Variants in ENOX1 observed in about 807,000 individuals in gnomAD.
The protein encoded by ENOX1 is ecto-NOX disulfide-thiol exchanger 1, also known as candidate growth-related and time keeping constitutive hydroquinone (NADH) oxidase.
In ENOX1, 42 loss-of-function variants were observed where a neutral mutation model predicts 82.5. That is an observed-to-expected ratio of 0.51 (90% CI 0.40 to 0.66). The LOEUF (loss-of-function observed/expected upper bound fraction) is 0.66, where lower values mean the gene tolerates loss of function less well. Among genes scored for constraint, ENOX1 ranks in the 30% least tolerant of loss-of-function variants. The pLI is 0.00. For synonymous variants in ENOX1, 271 were observed against 282.2 expected (o/e 0.96, Z 0.40); for missense variants, 608 against 811.6 (o/e 0.75, Z 3.05).
intron 2 of ENOX1, among the ~76,000 whole-genome samples, chr13:43,610,993 G>C (rs2082176689): frequency 6.6e-6 from 1 of 152,074 alleles, no homozygotes; most frequent in Admixed American, 6.6e-5. Flanking sequence ...AGAGAGTTCA[G>C]GAATGCCAAT....
intron 12 of ENOX1, among the ~76,000 whole-genome samples, chr13:43,276,489 T>C (rs1462424174): frequency 6.6e-6 from 1 of 152,148 alleles, no homozygotes; most frequent in African/African-American, 2.4e-5. Flanking sequence ...GCCCCACAGC[T>C]TACTGTGTCT....
chr13:43,315,972 A>C (rs1270219332), intron 11 of ENOX1, among the ~76,000 whole-genome samples: 1 of 152,232 alleles, frequency 6.6e-6, no homozygotes, highest in Non-Finnish European at 1.5e-5. Context: ...GCGGCGGTGC[A>C]GTGACCCTGT....
chr13:43,635,157 G>A (rs1430029432), intron 2 of ENOX1, among the ~76,000 whole-genome samples: 1 of 152,154 alleles, frequency 6.6e-6, no homozygotes, highest in Non-Finnish European at 1.5e-5. Context: ...ATAAAAAGGG[G>A]ATTAATACCT....
chr13:43,758,980 C>T (rs568617202), intron 1 of ENOX1, among the ~76,000 whole-genome samples: 5 of 152,112 alleles, frequency 3.3e-5, no homozygotes, highest in South Asian at 2.1e-4. Context: ...AAGGAAAGGA[C>T]GCTCTGTTTG....
rs766738947 is a variant in ENOX1, at chr13:43,359,884, C to G, written c.556G>C (p.Glu186Gln). ...TAAATGGCTTTATCAACCATGAATT[C>G]CTCTGCAAAGCGAATGTGACAAAAA... ...KNFCHIRFAE[E>Q]FMVDKAIYLS... is the part of the protein sequence containing the mutation. The change falls in exon 7 of 17, where the codon GAA (glutamate) becomes CAA (glutamine). Residue 186 changes from glutamate to glutamine, a missense_variant. By Grantham distance (29) the Glu-to-Gln change is conservative. Coordinates refer to ENST00000690772, the MANE Select transcript of ENOX1 (RefSeq NM_001347969.2). The G allele has an allele frequency of 6.2e-7, 1 of 1,614,194 alleles. No homozygotes were observed. Among genetic ancestry groups the G allele is most frequent in the Non-Finnish European group, 8.5e-7 (1 of 1,180,026 alleles).
At chr13:43,379,212 GT>G (rs1170337446) in intron 5 of ENOX1, among the ~76,000 whole-genome samples, 3 of 152,104 alleles carry the variant, frequency 2.0e-5, no homozygotes, top group African/African-American at 4.8e-5. Context: ...ATAAATTTGT[GT>G]TGTTTTTAAG....
intron 1 of ENOX1, among the ~76,000 whole-genome samples, chr13:43,756,978 A>ACAAC (rs1566886776): frequency 3.8e-5 from 5 of 132,938 alleles, no homozygotes; most frequent in African/African-American, 1.6e-4. Context: ...ACAACAAAAA[A>ACAAC]AAAAAAAAAA....
intron 2 of ENOX1, among the ~76,000 whole-genome samples, chr13:43,635,767 A>C (rs2083390585): frequency 6.6e-6 from 1 of 152,106 alleles, no homozygotes; most frequent in African/African-American, 2.4e-5. Context: ...AAGGAGAGGG[A>C]GAGAGAGAGA....
Position 43,600,211 on chromosome 13 carries a change from T to C in ENOX1, c.-219+67268A>G, listed in dbSNP as rs567128207. On this transcript the variant is annotated intron_variant, in intron 2 of 16. Coordinates refer to ENST00000690772, the MANE Select transcript of ENOX1 (RefSeq NM_001347969.2). The stretch of plus-strand genomic sequence containing the variant: ...GCTCCGTCACAGTGGCACAGTGGGA[T>C]AGAGCATCATGCTGGCTCTTGTGGT... Among the ~76,000 whole-genome samples, 4 of 152,304 alleles carry C rather than the reference T, an allele frequency of 2.6e-5. No individual in the cohort carries two copies. In the East Asian group the frequency reaches 7.8e-4, roughly 30 times the overall value.
At chr13:43,238,741 G>A (rs183725135) in intron 14 of ENOX1, among the ~76,000 whole-genome samples, 1 of 152,262 alleles carries the variant, frequency 6.6e-6, no homozygotes, top group East Asian at 1.9e-4. Flanking sequence ...ATCTCCAAGA[G>A]AGGGTGATCT....
intron 1 of ENOX1, among the ~76,000 whole-genome samples, chr13:43,736,414 A>G (rs1594625653): frequency 1.3e-5 from 2 of 152,106 alleles, no homozygotes; most frequent in East Asian, 3.9e-4. Context: ...TAATTTCTAG[A>G]ATTATTATTA....
intron 2 of ENOX1, among the ~76,000 whole-genome samples, chr13:43,501,859 G>A (rs2076993872): frequency 6.8e-6 from 1 of 146,424 alleles, no homozygotes; most frequent in African/African-American, 2.5e-5. Context: ...GAACAAACCA[G>A]GCCAAAAGCT....
At chr13:43,542,139 C>CT (rs1289254202) in intron 2 of ENOX1, among the ~76,000 whole-genome samples, 12 of 152,052 alleles carry the variant, frequency 7.9e-5, no homozygotes, top group East Asian at 1.9e-4. Context: ...GTGTCTTCTT[C>CT]TTTTTTTTCT....
intron 1 of ENOX1, among the ~76,000 whole-genome samples, chr13:43,693,680 C>T (rs1169990455): frequency 2.0e-5 from 3 of 152,108 alleles, no homozygotes; most frequent in African/African-American, 7.2e-5. Flanking sequence ...GTTGGATGGC[C>T]TTTCAGCTCT....
Position 43,397,132 on chromosome 13 carries a change from G to A in ENOX1, c.208+14784C>T, listed in dbSNP as rs191710231. ...ATCTCTGGCATGCCCCTCTCTTGGCGAAGCCCCAGCAAGGATGACATAGAA... is the reference window on the plus strand; with the variant it reads ...ATCTCTGGCATGCCCCTCTCTTGGCAAAGCCCCAGCAAGGATGACATAGAA... On this transcript the variant is annotated intron_variant, in intron 5 of 16. Coordinates refer to ENST00000690772, the MANE Select transcript of ENOX1 (RefSeq NM_001347969.2). Among the ~76,000 whole-genome samples the A allele has an allele frequency of 1.6e-4, 24 of 152,330 alleles. No individual in the cohort carries two copies. In the East Asian group the frequency reaches 4.2e-3, roughly 27 times the overall value.
At chr13:43,425,903 A>C (rs2055271535) in intron 3 of ENOX1, among the ~76,000 whole-genome samples, 1 of 152,228 alleles carries the variant, frequency 6.6e-6, no homozygotes, top group Admixed American at 6.5e-5. Context: ...CTGGTTTTAA[A>C]TGAAAGAAAT....
intron 16 of ENOX1, among the ~76,000 whole-genome samples, chr13:43,219,292 T>C (rs1397283162): frequency 2.0e-5 from 3 of 152,152 alleles, no homozygotes; most frequent in East Asian, 1.9e-4. Context: ...GAGGAGATGA[T>C]TGCAATACAC....
intron 2 of ENOX1, among the ~76,000 whole-genome samples, chr13:43,602,140 A>C (rs1412077314): frequency 6.6e-6 from 1 of 152,260 alleles, no homozygotes; most frequent in African/African-American, 2.4e-5. Flanking sequence ...TGTAAGCATA[A>C]GAGCAAAGAA....
intron 2 of ENOX1, among the ~76,000 whole-genome samples, chr13:43,601,730 A>G (rs2081731838): frequency 6.6e-6 from 1 of 152,224 alleles, no homozygotes; most frequent in Admixed American, 6.5e-5. Flanking sequence ...GATGTAACCA[A>G]GATAAGGTGA....
Sources: gnomAD v4.1 joint callset for allele counts (sites outside exome capture counted in the v4.1 genomes callset) on GRCh38, gnomAD v4.1.1 for gene constraint, MANE v1.5 for transcripts, NCBI Gene and HGNC (gene_info 2026-07-23, HGNC 2026-07-21) for gene names.